Variants in TMEFF1 observed in about 807,000 individuals in gnomAD.
TMEFF1 encodes the protein transmembrane protein with EGF like and two follistatin like domains 1, also known as tomoregulin-1.
A neutral mutation model predicts 47.5 loss-of-function variants in TMEFF1; 20 were observed. That is an observed-to-expected ratio of 0.42 (90% CI 0.30 to 0.61). TMEFF1 has a LOEUF of 0.61. Ranked by LOEUF, TMEFF1 falls within the 20% of genes least tolerant of loss-of-function variation. The pLI, the probability that TMEFF1 is intolerant of heterozygous loss-of-function variation, is 0.19. For synonymous variants in TMEFF1, 162 were observed against 166.3 expected, an observed-to-expected ratio of 0.97 and a Z score of 0.20; for missense variants, 411 against 471.1, an observed-to-expected ratio of 0.87 and a Z score of 1.18.
At chr9:100,538,421 C>T (rs1353137732) in intron 5 of TMEFF1, among the ~76,000 whole-genome samples, 2 of 152,158 alleles carry the variant, frequency 1.3e-5, no homozygotes, top group Non-Finnish European at 2.9e-5. Context: ...TGATACTCCC[C>T]TCAAATACCA....
intron 5 of TMEFF1, among the ~76,000 whole-genome samples, chr9:100,545,051 A>G (rs2118501291): frequency 6.6e-6 from 1 of 152,248 alleles, no homozygotes; most frequent in Non-Finnish European, 1.5e-5. Flanking sequence ...ATGGGCTGGC[A>G]TTGAGTGTCT....
At chr9:100,480,585 A>G (rs572636868) in intron 1 of TMEFF1, among the ~76,000 whole-genome samples, 1 of 152,296 alleles carries the variant, frequency 6.6e-6, no homozygotes, top group Admixed American at 6.5e-5. Context: ...CACTGCAAGT[A>G]TTTTTAAGCC....
intron 5 of TMEFF1, among the ~76,000 whole-genome samples, chr9:100,532,329 T>C (rs940535427): frequency 6.6e-6 from 1 of 152,158 alleles, no homozygotes; most frequent in African/African-American, 2.4e-5. Flanking sequence ...AGAAAATTTT[T>C]GCAACCTACT....
intron 8 of TMEFF1, among the ~76,000 whole-genome samples, chr9:100,568,776 A>G (rs1466838438): frequency 6.6e-6 from 1 of 152,064 alleles, no homozygotes; most frequent in Non-Finnish European, 1.5e-5. Flanking sequence ...TTCTATCTCT[A>G]TAGACTTACC....
At chr9:100,548,165 G>A (rs1838770869) in intron 6 of TMEFF1, among the ~76,000 whole-genome samples, 1 of 151,572 alleles carries the variant, frequency 6.6e-6, no homozygotes, top group Admixed American at 6.6e-5. Context: ...ATTATTTATA[G>A]TTCTAATATC....
rs533154911 is a variant in TMEFF1 at position 100,531,693 on chromosome 9, C to T, written c.560+14922C>T. ...TAATTTACAGATTCAATGCCATCCC[C>T]ATCAAGCTACCAATGCCTTTCTTCA... is the stretch of plus-strand genomic sequence containing the variant. On this transcript the variant is annotated intron_variant, in intron 5 of 9. Transcript: ENST00000374879. 6.8e-3 allele frequency among the ~76,000 whole-genome samples: 1,033 copies of T among 152,178 alleles called. 9 individuals are homozygous for T. Among genetic ancestry groups the T allele is most frequent in the African/African-American group, 0.023 (961 of 41,512 alleles).
chr9:100,486,429 A>G (rs369853201), intron 1 of TMEFF1, among the ~76,000 whole-genome samples: 82 of 151,942 alleles, frequency 5.4e-4, no homozygotes, highest in African/African-American at 2.0e-3. Context: ...TTTAGTAAAG[A>G]TGGGGTTTCA....
intron 5 of TMEFF1, among the ~76,000 whole-genome samples, chr9:100,519,237 G>A (rs1587833362): frequency 6.6e-6 from 1 of 151,844 alleles, no homozygotes; most frequent in Admixed American, 6.6e-5. Flanking sequence ...ATGAAAACCC[G>A]TCTCTAATAA....
chr9:100,522,878 G>A (rs1292883342), intron 5 of TMEFF1, among the ~76,000 whole-genome samples: 1 of 152,110 alleles, frequency 6.6e-6, no homozygotes, highest in Non-Finnish European at 1.5e-5. Flanking sequence ...GGGACCACAG[G>A]TGCCCGCCAC....
At position 100,572,570 on chromosome 9, in the gene TMEFF1, C is replaced by A; in HGVS notation, c.952C>A (p.Leu318Ile). The change falls in exon 9 of 10, where the codon CTC becomes ATC. Residue 318 changes from leucine (L) to isoleucine (I), a missense_variant. Physicochemically the swap from Leu to Ile is conservative, Grantham distance 5. Coordinates refer to ENST00000374879, the MANE Select transcript of TMEFF1 (RefSeq NM_003692.5). Reference sequence around the variant, plus strand: ...CTGTGAAAAGACAGACTTTAGTATTCTCTATGTAGTGCCAAGTAGGCAAAA... The same window carrying A: ...CTGTGAAAAGACAGACTTTAGTATTATCTATGTAGTGCCAAGTAGGCAAAA... ...QHCEKTDFSI[L>I]YVVPSRQKLT... 9 of 1,613,512 alleles carry A rather than the reference C, an allele frequency of 5.6e-6. No individual in the cohort carries two copies. Among genetic ancestry groups the A allele is most frequent in the Non-Finnish European group, 7.6e-6 (9 of 1,179,710 alleles).
chr9:100,482,646 T>C (rs1288630089), intron 1 of TMEFF1, among the ~76,000 whole-genome samples: 1 of 152,238 alleles, frequency 6.6e-6, no homozygotes, highest in Non-Finnish European at 1.5e-5. Flanking sequence ...TTTTTCTGCC[T>C]AAACTTCTGG....
rs530463621 is a variant in TMEFF1 at position 100,494,120 on chromosome 9, T to A, written c.197-4645T>A. 6.6e-4 allele frequency among the ~76,000 whole-genome samples: 98 copies of A among 149,350 alleles called. 1 individual carries two copies. Among genetic ancestry groups the A allele is most frequent in the Admixed American group, 5.5e-3 (82 of 14,782 alleles). On this transcript the variant is annotated intron_variant, in intron 1 of 9. Coordinates refer to ENST00000374879, the MANE Select transcript of TMEFF1 (RefSeq NM_003692.5). Reference sequence around the variant, plus strand: ...TATTTGGGAAGCTAAGGTGGGATAATCGCTTGAGCCCAGGAGGCAGAGGTT... The same window carrying A: ...TATTTGGGAAGCTAAGGTGGGATAAACGCTTGAGCCCAGGAGGCAGAGGTT...
intron 5 of TMEFF1, among the ~76,000 whole-genome samples, chr9:100,539,414 T>A (rs1158673071): frequency 6.6e-6 from 1 of 152,136 alleles, no homozygotes; most frequent in African/African-American, 2.4e-5. Context: ...TTAAAGATGG[T>A]ATGTCCGGAG....
Position 100,561,414 on chromosome 9 carries a change from G to A in TMEFF1, c.793G>A (p.Glu265Lys), listed in dbSNP as rs773982240. 3.1e-6 allele frequency: 5 copies of A among 1,612,892 alleles called. No individual in the cohort carries two copies. The African/African-American group carries it at 6.7e-5, about 22-fold the overall frequency. ...CTTTTAAGATGCTAGTGATCAAAGA[G>A]AAGATGTTTATATTGGAAACCACAT... ...PDVKDASDQR[E>K]DVYIGNHMPC... The change falls in exon 8 of 10, where the codon GAA becomes AAA. Residue 265 changes from glutamate to lysine, a missense_variant. By Grantham distance (56) the Glu-to-Lys change is moderately conservative. Coordinates refer to ENST00000374879, the MANE Select transcript of TMEFF1 (RefSeq NM_003692.5).
rs114798844 is a variant in TMEFF1 at position 100,551,274 on chromosome 9, C to T, written c.775+1114C>T. 6.2e-3 allele frequency among the ~76,000 whole-genome samples: 939 copies of T among 152,278 alleles called. 9 individuals carry two copies. The highest frequency in any genetic ancestry group is 0.021 in the African/African-American group (877 of 41,558). Reference sequence around the variant, plus strand: ...ATATGTTAAGTGCTTTGAACAGTATCGGATATACTTGTAAGTGTTCAACAA... The same window carrying T: ...ATATGTTAAGTGCTTTGAACAGTATTGGATATACTTGTAAGTGTTCAACAA... On this transcript the variant is annotated intron_variant, in intron 7 of 9. Coordinates refer to ENST00000374879, the MANE Select transcript of TMEFF1 (RefSeq NM_003692.5).
chr9:100,504,122 G>T (rs944355745), intron 2 of TMEFF1, among the ~76,000 whole-genome samples: 1 of 152,152 alleles, frequency 6.6e-6, no homozygotes, highest in Admixed American at 6.5e-5. Flanking sequence ...TAAAGAAAAG[G>T]TACAGGGGAG....
intron 1 of TMEFF1, among the ~76,000 whole-genome samples, chr9:100,482,630 T>C (rs781744866): frequency 7.9e-5 from 12 of 152,216 alleles, no homozygotes; most frequent in Non-Finnish European, 1.6e-4. Flanking sequence ...GCCTCTTTTA[T>C]TGATCTTTTT....
intron 5 of TMEFF1, among the ~76,000 whole-genome samples, chr9:100,529,453 T>C (rs1292159199): frequency 1.0e-4 from 15 of 144,744 alleles, no homozygotes; most frequent in Non-Finnish European, 2.1e-4. Flanking sequence ...TAGTCTCTGA[T>C]AAAACAGACT....
intron 5 of TMEFF1, among the ~76,000 whole-genome samples, chr9:100,523,129 A>G (rs995166591): frequency 2.0e-5 from 3 of 151,926 alleles, no homozygotes; most frequent in Non-Finnish European, 4.4e-5. Flanking sequence ...ATCTCTTGCA[A>G]TTTTCTGAAT....
Sources: gnomAD v4.1 joint callset for allele counts (sites outside exome capture counted in the v4.1 genomes callset) on GRCh38, gnomAD v4.1.1 for gene constraint, MANE v1.5 for transcripts, NCBI Gene and HGNC (gene_info 2026-07-23, HGNC 2026-07-21) for gene names.